Variants in ERN1 observed in about 807,000 individuals in gnomAD.
ERN1 encodes the protein endoplasmic reticulum to nucleus signaling 1.
ERN1 carries 39 observed loss-of-function variants against 113.1 expected under a neutral mutation model. The observed-to-expected ratio is 0.34, with a 90% confidence interval of 0.27 to 0.45. The LOEUF (loss-of-function observed/expected upper bound fraction) is 0.45. Among genes scored for constraint, ERN1 ranks in the 20% least tolerant of loss-of-function variants. The pLI, the probability that ERN1 is intolerant of heterozygous loss-of-function variation, is 1.00. For missense variants in ERN1, 976 were observed against 1,274.8 expected (o/e 0.77, Z 3.57); for synonymous variants, 507 against 515.9 (o/e 0.98, Z 0.23).
At chr17:64,117,473 G>GA (rs1271405336) in intron 1 of ERN1, among the ~76,000 whole-genome samples, 3 of 151,856 alleles carry the variant, frequency 2.0e-5, no homozygotes, top group African/African-American at 7.3e-5. Flanking sequence ...AAAAAGAAAA[G>GA]AAAAAAGAAA....
intron 4 of ERN1, among the ~76,000 whole-genome samples, chr17:64,077,459 T>C (rs544170616): frequency 3.8e-4 from 57 of 150,580 alleles, no homozygotes; most frequent in Middle Eastern, 3.4e-3. Context: ...GGGGTAACTA[T>C]TATCCTAACT....
intron 1 of ERN1, among the ~76,000 whole-genome samples, chr17:64,114,550 G>A (rs1914755811): frequency 6.6e-6 from 1 of 152,230 alleles, no homozygotes; most frequent in Non-Finnish European, 1.5e-5. Context: ...GCTGGACAGA[G>A]AAGGCAGAGG....
At chr17:64,073,207 C>T (rs892704737) in intron 5 of ERN1, among the ~76,000 whole-genome samples, 9 of 151,958 alleles carry the variant, frequency 5.9e-5, no homozygotes, top group South Asian at 2.1e-4. Context: ...CTCGCTCTGC[C>T]GCCCAGGCTG....
chr17:64,090,367 C>G (rs548230785), intron 2 of ERN1, among the ~76,000 whole-genome samples: 1 of 152,170 alleles, frequency 6.6e-6, no homozygotes, highest in African/African-American at 2.4e-5. Context: ...AAGTCTACTG[C>G]GTTCTCATTT....
rs957771935 is a variant in ERN1, at chr17:64,064,144, C to T, written c.929G>A (p.Gly310Asp). ...CCCTTCCAGCAAAGGAAGTGTGCTGCCGCGGGGCTGTGGAGAGGGTGCAGT... is the reference window on the plus strand; with the variant it reads ...CCCTTCCAGCAAAGGAAGTGTGCTGTCGCGGGGCTGTGGAGAGGGTGCAGT... ...VHEGVAVVPRGSTLPLLEGPQ... is the reference protein window; with the variant it reads ...VHEGVAVVPRDSTLPLLEGPQ... The change falls in exon 10 of 22, where the codon GGC (glycine) becomes GAC (aspartate). Residue 310 changes from glycine to aspartate, a missense_variant. Coordinates refer to ENST00000433197, the MANE Select transcript of ERN1 (RefSeq NM_001433.5). 1.7e-5 allele frequency: 27 copies of T among 1,596,828 alleles called. No homozygotes were observed. Among genetic ancestry groups the T allele is most frequent in the Non-Finnish European group, 2.2e-5 (26 of 1,171,472 alleles).
intron 1 of ERN1, among the ~76,000 whole-genome samples, chr17:64,126,687 G>A (rs1239933786): frequency 6.6e-6 from 1 of 151,972 alleles, no homozygotes; most frequent in Non-Finnish European, 1.5e-5. Context: ...CAAACTCAAT[G>A]AACATTCTAC....
At chr17:64,106,531 G>A (rs990008297) in intron 1 of ERN1, among the ~76,000 whole-genome samples, 9 of 152,172 alleles carry the variant, frequency 5.9e-5, no homozygotes, top group African/African-American at 2.2e-4. Context: ...ATGTGGATGT[G>A]GTGAGGGGTG....
intron 11 of ERN1, among the ~76,000 whole-genome samples, chr17:64,058,609 CT>C (rs1912955167): frequency 6.6e-6 from 1 of 152,034 alleles, no homozygotes; most frequent in South Asian, 2.1e-4. Context: ...AAAAATGGAG[CT>C]TCCCTAGAGT....
Position 64,054,132 on chromosome 17 carries a change from G to A in ERN1, c.1953+118C>T. ...TTTTTGGTTTCTTTGTAGAGATGGG[G>A]TTTCACCATGTTGTCCAGGCTGGTC... On this transcript the variant is annotated intron_variant, in intron 15 of 21. Coordinates refer to ENST00000433197, the MANE Select transcript of ERN1 (RefSeq NM_001433.5). This position sits in a 1 kb window ranked among gnomAD's most constrained non-coding sequence, Gnocchi z 4.9. 3 of 912,412 alleles carry A rather than the reference G, an allele frequency of 3.3e-6. No individual in the cohort carries two copies. The highest frequency in any genetic ancestry group is 1.8e-5 in the South Asian group (1 of 56,818). The allele number at this position is 912,412 out of a possible 1,614,324, so 56.5% of individuals were successfully genotyped here. A position where few individuals can be genotyped will look rare whatever the true frequency, so the allele number is the denominator to read the frequency against.
At chr17:64,073,355 T>TG (rs1913487383) in intron 5 of ERN1, among the ~76,000 whole-genome samples, 2 of 148,100 alleles carry the variant, frequency 1.4e-5, no homozygotes. Flanking sequence ...TTTTTTTTTT[T>TG]TAGTAGAGAC....
intron 4 of ERN1, among the ~76,000 whole-genome samples, chr17:64,077,954 C>G (rs1017931584): frequency 1.3e-5 from 2 of 152,120 alleles, no homozygotes; most frequent in Non-Finnish European, 2.9e-5. Context: ...ACCATGGTCT[C>G]GATCTCCTGA....
At chr17:64,111,169 T>C in intron 1 of ERN1, among the ~76,000 whole-genome samples, 1 of 152,316 alleles carries the variant, frequency 6.6e-6, no homozygotes. Context: ...ATTTTTTACA[T>C]TGACATATAA....
intron 2 of ERN1, among the ~76,000 whole-genome samples, chr17:64,089,775 G>C (rs150810688): frequency 1.5e-3 from 231 of 152,298 alleles, no homozygotes; most frequent in African/African-American, 5.5e-3. Context: ...AATGCAGTGG[G>C]AGAAAGGAAC....
intron 1 of ERN1, among the ~76,000 whole-genome samples, chr17:64,101,595 G>A (rs948294365): frequency 1.3e-5 from 2 of 152,082 alleles, no homozygotes; most frequent in Admixed American, 6.6e-5. Flanking sequence ...GCTTGAATTC[G>A]AAGGAGCTTC....
At chr17:64,112,079 A>C (rs16947492) in intron 1 of ERN1, among the ~76,000 whole-genome samples, 7,825 of 152,248 alleles carry the variant, frequency 0.051, 651 homozygotes, top group African/African-American at 0.18. Context: ...TTCAAGAAGG[A>C]AGCAGTGGCC....
rs375820177 is a variant in ERN1 at position 64,046,112 on chromosome 17, G to A, written c.2530-630C>T. ...TGAAGTCCCACCAGTAAGACAGGTCGACAGCTGAGGACACAGGGAGTGGTG... is the reference window on the plus strand; with the variant it reads ...TGAAGTCCCACCAGTAAGACAGGTCAACAGCTGAGGACACAGGGAGTGGTG... On this transcript the variant is annotated intron_variant, in intron 19 of 21. Coordinates refer to ENST00000433197, the MANE Select transcript of ERN1 (RefSeq NM_001433.5). Among the ~76,000 whole-genome samples, 7 of 152,326 alleles carry A rather than the reference G, an allele frequency of 4.6e-5. No homozygotes were observed. In the South Asian group the frequency reaches 6.2e-4, roughly 14 times the overall value.
At chr17:64,069,375 T>TG (rs1411998430) in intron 6 of ERN1, among the ~76,000 whole-genome samples, 1 of 151,840 alleles carries the variant, frequency 6.6e-6, no homozygotes. Context: ...ACAGTCAAAT[T>TG]GAAAAAAAAG....
At chr17:64,062,781 C>T (rs1214161452) in intron 10 of ERN1, among the ~76,000 whole-genome samples, 2 of 152,196 alleles carry the variant, frequency 1.3e-5, no homozygotes, top group Non-Finnish European at 2.9e-5. Context: ...CCTATTCATA[C>T]ATGCTCCTCC....
At chr17:64,128,937 C>T (rs1332598222) in intron 1 of ERN1, 3 of 152,190 alleles carry the variant, frequency 2.0e-5, no homozygotes, top group Non-Finnish European at 2.9e-5. Context: ...CAGGCACACA[C>T]ATGTCAGTGC....
Sources: allele counts gnomAD v4.1 joint callset (sites outside exome capture counted in the v4.1 genomes callset), GRCh38; gene constraint gnomAD v4.1.1; non-coding constraint Gnocchi (gnomAD v3.1); transcripts MANE v1.5; gene names NCBI Gene and HGNC (gene_info 2026-07-23, HGNC 2026-07-21).